CREB5: variants seen among roughly 807,000 people sequenced by gnomAD.
CREB5 encodes cAMP responsive element binding protein 5, also known as cyclic AMP-responsive element-binding protein 5.
CREB5 carries 19 observed loss-of-function variants against 57.1 expected under a neutral mutation model. That is an observed-to-expected ratio of 0.33 (90% CI 0.23 to 0.49). CREB5 has a LOEUF of 0.49. CREB5 is among the 20% of genes least tolerant of loss of function. CREB5 has a pLI of 0.99. For synonymous variants in CREB5, 238 were observed against 238.3 expected, an observed-to-expected ratio of 1.00 and a Z score of 0.01; for missense variants, 579 against 671.6, an observed-to-expected ratio of 0.86 and a Z score of 1.52.
At chr7:28,307,730 T>C (rs1310952930) in intron 1 of CREB5, among the ~76,000 whole-genome samples, 1 of 152,236 alleles carries the variant, frequency 6.6e-6, no homozygotes, top group Non-Finnish European at 1.5e-5. Flanking sequence ...GAGCACAATG[T>C]GCCTGGCACT....
At chr7:28,656,382 T>C (rs1463726164) in intron 5 of CREB5, among the ~76,000 whole-genome samples, 1 of 152,244 alleles carries the variant, frequency 6.6e-6, no homozygotes, top group Admixed American at 6.5e-5. Context: ...AATGTGATAA[T>C]GTGCTGTTTA....
intron 9 of CREB5, among the ~76,000 whole-genome samples, chr7:28,816,582 AT>A (rs372369459): frequency 6.0e-4 from 23 of 38,618 alleles, no homozygotes; most frequent in African/African-American, 3.7e-3. Context: ...TTATTTTATT[AT>A]TTTTGTTATT....
intron 1 of CREB5, among the ~76,000 whole-genome samples, chr7:28,330,481 T>C (rs114058272): frequency 0.012 from 1,778 of 150,762 alleles, 30 homozygotes; most frequent in African/African-American, 0.042. Context: ...CCATAGTGCT[T>C]TGCAGGTAGA....
intron 5 of CREB5, among the ~76,000 whole-genome samples, chr7:28,628,862 C>G (rs1798100174): frequency 1.3e-5 from 2 of 152,152 alleles, no homozygotes; most frequent in South Asian, 4.1e-4. Context: ...TACAGTCTAG[C>G]TGGGGGGAGA....
At chr7:28,658,971 A>ATG (rs1419842789) in intron 5 of CREB5, among the ~76,000 whole-genome samples, 1 of 140,602 alleles carries the variant, frequency 7.1e-6, no homozygotes, top group Non-Finnish European at 1.6e-5. Flanking sequence ...ATATATATAT[A>ATG]TATATATATG....
At chr7:28,795,436 G>T (rs899468818) in intron 7 of CREB5, among the ~76,000 whole-genome samples, 5 of 152,196 alleles carry the variant, frequency 3.3e-5, no homozygotes, top group Non-Finnish European at 7.3e-5. Flanking sequence ...TTCTAAGCCA[G>T]CTGGTAGATA....
At chr7:28,316,846 G>C (rs1205939696) in intron 1 of CREB5, among the ~76,000 whole-genome samples, 2 of 151,900 alleles carry the variant, frequency 1.3e-5, no homozygotes, top group Non-Finnish European at 2.9e-5. Flanking sequence ...ATGGCAGCTG[G>C]GTTCCTGTGG....
chr7:28,722,642 G>A (rs776529377), intron 6 of CREB5, among the ~76,000 whole-genome samples: 5 of 152,140 alleles, frequency 3.3e-5, no homozygotes, highest in Admixed American at 6.5e-5. Context: ...AGGGGGGTGC[G>A]TGGGAGTGAA....
intron 5 of CREB5, among the ~76,000 whole-genome samples, chr7:28,655,150 G>C (rs1454777726): frequency 1.3e-5 from 2 of 152,138 alleles, no homozygotes; most frequent in Admixed American, 1.3e-4. Context: ...AGATCTGCCT[G>C]TGTCAGCCCC....
intron 1 of CREB5, among the ~76,000 whole-genome samples, chr7:28,336,693 A>G (rs1785829651): frequency 6.6e-6 from 1 of 151,572 alleles, no homozygotes; most frequent in African/African-American, 2.4e-5. Context: ...AAATTCATTT[A>G]TTTCTGCTCT....
intron 8 of CREB5, among the ~76,000 whole-genome samples, chr7:28,807,200 G>A (rs1304353660): frequency 6.6e-6 from 1 of 152,196 alleles, no homozygotes; most frequent in Non-Finnish European, 1.5e-5. Context: ...TGTAATCTCA[G>A]CACTTTGGGA....
At chr7:28,330,401 C>CCTTTTTTTTTTTTTTTTTT (rs775917974) in intron 1 of CREB5, among the ~76,000 whole-genome samples, 1 of 88,538 alleles carries the variant, frequency 1.1e-5, no homozygotes, top group African/African-American at 4.9e-5. Context: ...GAGAACCTTA[C>CCTTTTTTTTTTTTTTTTTT]TTTTTTTTTT....
chr7:28,493,031 A>G (rs1043298541), intron 2 of CREB5, among the ~76,000 whole-genome samples: 6 of 152,222 alleles, frequency 3.9e-5, no homozygotes, highest in African/African-American at 1.4e-4. Context: ...TCCAATTTAT[A>G]TAATACAAAT....
chr7:28,740,433 C>T (rs17157115), intron 7 of CREB5, among the ~76,000 whole-genome samples: 10,825 of 152,178 alleles, frequency 0.071, 1,229 homozygotes, highest in African/African-American at 0.24. Context: ...ACAAAAGCCA[C>T]TTGGTCCTCC....
chr7:28,520,494 T>C (rs1793159546), intron 4 of CREB5, among the ~76,000 whole-genome samples: 1 of 152,168 alleles, frequency 6.6e-6, no homozygotes, highest in Non-Finnish European at 1.5e-5. Context: ...CTGGCAGAGG[T>C]AACTTGCTCC....
chr7:28,310,712 G>A (rs1785260946), intron 1 of CREB5, among the ~76,000 whole-genome samples: 1 of 152,150 alleles, frequency 6.6e-6, no homozygotes, highest in Admixed American at 6.5e-5. Context: ...CATCTATTCA[G>A]TCCTGTCTCC....
At chr7:28,634,721 A>T (rs1286586902) in intron 5 of CREB5, among the ~76,000 whole-genome samples, 2 of 152,112 alleles carry the variant, frequency 1.3e-5, no homozygotes, top group African/African-American at 4.8e-5. Context: ...CCCATTTTTC[A>T]AGTTCTGCCT....
intron 4 of CREB5, among the ~76,000 whole-genome samples, chr7:28,525,027 T>C (rs1008898029): frequency 4.2e-5 from 6 of 141,202 alleles, no homozygotes; most frequent in African/African-American, 1.6e-4. Flanking sequence ...TTCTACTCTC[T>C]ACCTTCATGA....
At chr7:28,372,378 A>C (rs1347179104) in intron 1 of CREB5, among the ~76,000 whole-genome samples, 1 of 152,186 alleles carries the variant, frequency 6.6e-6, no homozygotes, top group Non-Finnish European at 1.5e-5. Flanking sequence ...TTTTAAAATT[A>C]TTTATTCCTC....
Sources: gnomAD v4.1 joint callset for allele counts (sites outside exome capture counted in the v4.1 genomes callset) on GRCh38, gnomAD v4.1.1 for gene constraint, MANE v1.5 for transcripts, NCBI Gene and HGNC (gene_info 2026-07-23, HGNC 2026-07-21) for gene names.